EXOC6: variants seen among roughly 807,000 people sequenced by gnomAD.
The protein encoded by EXOC6 is exocyst complex component 6, also known as SEC15-like 1.
In EXOC6, 60 loss-of-function variants were observed where a neutral mutation model predicts 112.5. That is an observed-to-expected ratio of 0.53 (90% CI 0.43 to 0.66). The LOEUF (loss-of-function observed/expected upper bound fraction) is 0.66. EXOC6 is among the 30% of genes least tolerant of loss of function. The pLI is 0.00. For missense variants in EXOC6, 855 were observed against 957.1 expected (o/e 0.89, Z 1.41); for synonymous variants, 295 against 308.0 (o/e 0.96, Z 0.44).
intron 19 of EXOC6, among the ~76,000 whole-genome samples, chr10:92,998,519 A>C (rs538277634): frequency 6.6e-6 from 1 of 152,256 alleles, no homozygotes; most frequent in African/African-American, 2.4e-5. Flanking sequence ...ACAGATATCA[A>C]ATAGTTTGTG....
chr10:92,842,958 G>A (rs1042946446), intron 1 of EXOC6, among the ~76,000 whole-genome samples: 9 of 152,106 alleles, frequency 5.9e-5, no homozygotes, highest in African/African-American at 1.4e-4. Flanking sequence ...AGGCAACTGC[G>A]TAGGTCACAC....
intron 17 of EXOC6, among the ~76,000 whole-genome samples, chr10:92,969,724 C>G (rs2134070861): frequency 1.3e-5 from 2 of 151,966 alleles, no homozygotes; most frequent in African/African-American, 4.8e-5. Context: ...GATGGAGTTT[C>G]ACTCTGTTGC....
At chr10:92,896,175 ATATATATTTTTTTTTT>A (rs1849799325) in intron 4 of EXOC6, among the ~76,000 whole-genome samples, 2 of 20,512 alleles carry the variant, frequency 9.8e-5, no homozygotes, top group African/African-American at 2.0e-4. Flanking sequence ...ATATATATAT[ATATATATTTTTTTTTT>A]TTTTTTTTTT....
At chr10:92,907,200 A>G (rs191092801) in intron 5 of EXOC6, among the ~76,000 whole-genome samples, 1 of 152,286 alleles carries the variant, frequency 6.6e-6, no homozygotes, top group East Asian at 1.9e-4. Context: ...AAGGGAAATG[A>G]GACAGGAAAG....
chr10:92,969,804 A>G (rs1176970444), intron 17 of EXOC6, among the ~76,000 whole-genome samples: 1 of 151,892 alleles, frequency 6.6e-6, no homozygotes, highest in Non-Finnish European at 1.5e-5. Context: ...AGCAATTCTC[A>G]TGCCTCAGCC....
chr10:93,045,869 C>A (rs371476218), intron 20 of EXOC6, among the ~76,000 whole-genome samples: 1 of 152,306 alleles, frequency 6.6e-6, no homozygotes, highest in South Asian at 2.1e-4. Flanking sequence ...CACTAGTTTA[C>A]AAAAGGAGCA....
intron 5 of EXOC6, chr10:92,901,302 G>A (rs367749522): frequency 5.3e-5 from 8 of 151,950 alleles, no homozygotes; most frequent in East Asian, 1.9e-4. Flanking sequence ...GCCTTAATCC[G>A]TTATTATATT....
chr10:92,934,387 A>C lies in EXOC6; in HGVS notation c.1097A>C (p.Asn366Thr), dbSNP rs776549489. The C allele has an allele frequency of 7.5e-6, 12 of 1,602,510 alleles. No homozygotes were observed. The East Asian group carries it at 2.7e-4, about 36-fold the overall frequency. The change falls in exon 11 of 22, where the codon AAC (asparagine) becomes ACC (threonine). Residue 366 changes from asparagine to threonine, a missense_variant. By Grantham distance (65) the Asn-to-Thr change is moderately conservative. Around this residue, in one of 2 missense-constraint regions of EXOC6, gnomAD observed 450 missense variants for 563.5 expected, o/e 0.80. Transcript: ENST00000260762. ...AGGGCATACACTGATGAACTTTGGA[A>C]CATGGCCCTCTCAAAGATAATTGCT... Reference protein sequence around the residue: ...VTRAYTDELWNMALSKIIAVL... With the variant: ...VTRAYTDELWTMALSKIIAVL...
At chr10:92,869,310 TAA>T (rs528889952) in intron 1 of EXOC6, among the ~76,000 whole-genome samples, 5 of 143,056 alleles carry the variant, frequency 3.5e-5, no homozygotes, top group Non-Finnish European at 1.5e-5. Context: ...CCCTTTCTTT[TAA>T]AAAAAAAAAA....
intron 1 of EXOC6, among the ~76,000 whole-genome samples, chr10:92,883,112 C>A (rs1849045314): frequency 6.6e-6 from 1 of 152,208 alleles, no homozygotes. Flanking sequence ...AGAACTGTAA[C>A]AATTCATGTG....
At chr10:93,021,109 T>C (rs955478694) in intron 20 of EXOC6, among the ~76,000 whole-genome samples, 5 of 151,864 alleles carry the variant, frequency 3.3e-5, no homozygotes, top group Non-Finnish European at 7.4e-5. Context: ...TGTTCTTCAT[T>C]CCCATTAAGT....
At chr10:92,976,123 C>T (rs1842589906) in intron 18 of EXOC6, among the ~76,000 whole-genome samples, 1 of 151,798 alleles carries the variant, frequency 6.6e-6, no homozygotes, top group African/African-American at 2.4e-5. Flanking sequence ...GCCACCCCTA[C>T]TGGGAAGTGA....
rs7896507 is a variant in EXOC6, at chr10:93,024,457, G to A, written c.2169+10190G>A. On this transcript the variant is annotated intron_variant, in intron 20 of 21. Coordinates refer to ENST00000260762, the MANE Select transcript of EXOC6 (RefSeq NM_019053.6). ...TTTTATTTTAATTTTTTGGAGACACGGTTTCACTCTGTTGCCCAGGCTGCA... is the reference window on the plus strand; with the variant it reads ...TTTTATTTTAATTTTTTGGAGACACAGTTTCACTCTGTTGCCCAGGCTGCA... 9.1e-3 allele frequency among the ~76,000 whole-genome samples: 1,382 copies of A among 152,104 alleles called. 27 individuals carry two copies. The highest frequency in any genetic ancestry group is 0.031 in the African/African-American group (1,297 of 41,472).
chr10:93,004,467 C>A (rs917759140), intron 19 of EXOC6, among the ~76,000 whole-genome samples: 1 of 152,154 alleles, frequency 6.6e-6, no homozygotes, highest in Non-Finnish European at 1.5e-5. Flanking sequence ...CCATTTAACT[C>A]CTTGATCTAA....
intron 21 of EXOC6, 127 bp from the exon 22 acceptor site, chr10:93,058,096 T>C (rs1846629129): frequency 2.5e-6 from 2 of 784,748 alleles, no homozygotes; most frequent in South Asian, 3.9e-5. Flanking sequence ...ATCTACTTTC[T>C]TTGAACTATA....
intron 17 of EXOC6, among the ~76,000 whole-genome samples, chr10:92,968,249 A>G (rs116512755): frequency 0.011 from 1,608 of 148,750 alleles, 33 homozygotes; most frequent in African/African-American, 0.037. Context: ...CAGTGGTGCA[A>G]TCGTAGCTTA....
chr10:92,994,153 A>G (rs1420073678), intron 18 of EXOC6, among the ~76,000 whole-genome samples: 1 of 152,234 alleles, frequency 6.6e-6, no homozygotes, highest in African/African-American at 2.4e-5. Flanking sequence ...ACTTTGTTGA[A>G]TGCAGTCCAT....
intron 4 of EXOC6, 23 bp from the exon 5 acceptor site, chr10:92,899,576 A>G (rs1168869101): frequency 6.5e-7 from 1 of 1,536,050 alleles, no homozygotes. Flanking sequence ...TTGAAAGCTA[A>G]AATGTTATAT....
At chr10:93,019,612 A>G (rs78487974) in intron 20 of EXOC6, among the ~76,000 whole-genome samples, 2,181 of 152,298 alleles carry the variant, frequency 0.014, 54 homozygotes, top group African/African-American at 0.05. Context: ...ATATGACCAG[A>G]CTGCTTTGAG....
Sources: gnomAD v4.1 joint callset for allele counts (sites outside exome capture counted in the v4.1 genomes callset) on GRCh38, gnomAD v4.1.1 for gene constraint, gnomAD v4.1.1 regional missense constraint, MANE v1.5 for transcripts, NCBI Gene and HGNC (gene_info 2026-07-23, HGNC 2026-07-21) for gene names.